Variants in DMD observed in about 807,000 individuals in gnomAD.
DMD encodes mutant dystrophin.
DMD carries 63 observed loss-of-function variants against 330.1 expected under a neutral mutation model. That is an observed-to-expected ratio of 0.19 (90% CI 0.16 to 0.24). The LOEUF (loss-of-function observed/expected upper bound fraction) is 0.24. DMD is among the 10% of genes least tolerant of loss of function. The pLI is 1.00. For missense variants in DMD, 3,344 were observed against 2,684.1 expected, an observed-to-expected ratio of 1.25 and a Z score of -5.43; for synonymous variants, 1,223 against 959.8, an observed-to-expected ratio of 1.27 and a Z score of -5.07.
intron 41 of DMD, among the ~76,000 whole-genome samples, chrX:32,332,762 A>T (rs1342564601): frequency 2.7e-5 from 3 of 111,383 alleles, no homozygotes; most frequent in Non-Finnish European, 5.7e-5. Flanking sequence ...TTATGATCAG[A>T]TTTAAATATG....
intron 5 of DMD, among the ~76,000 whole-genome samples, chrX:32,822,291 G>A (rs190443623): frequency 1.9e-4 from 21 of 110,596 alleles, no homozygotes; most frequent in Admixed American, 1.6e-3. Context: ...AAGGGACCAT[G>A]GCCCAGAACA....
intron 54 of DMD, among the ~76,000 whole-genome samples, chrX:31,630,344 C>A (rs1275531255): frequency 8.9e-6 from 1 of 111,967 alleles, no homozygotes; most frequent in Non-Finnish European, 1.9e-5. Flanking sequence ...TGAATATTTT[C>A]TAATTTGGAA....
At chrX:31,484,095 T>C (rs1043433155) in intron 57 of DMD, among the ~76,000 whole-genome samples, 1 of 111,770 alleles carries the variant, frequency 8.9e-6, no homozygotes, top group African/African-American at 3.2e-5. Context: ...GTATAATTTA[T>C]TGCATTTTAA....
At chrX:32,586,926 T>G (rs757599170) in intron 13 of DMD, among the ~76,000 whole-genome samples, 1 of 111,821 alleles carries the variant, frequency 8.9e-6, no homozygotes, top group African/African-American at 3.3e-5. Flanking sequence ...CAAATGTTGA[T>G]GCTTAGCTTT....
intron 44 of DMD, among the ~76,000 whole-genome samples, chrX:32,142,090 C>A (rs1045635453): frequency 1.8e-5 from 2 of 110,897 alleles, no homozygotes; most frequent in Non-Finnish European, 3.8e-5. Context: ...AGGAGCTGAG[C>A]TATAGAATAA....
intron 29 of DMD, among the ~76,000 whole-genome samples, chrX:32,426,963 ATG>A (rs2098215646): frequency 9.0e-6 from 1 of 111,475 alleles, no homozygotes; most frequent in African/African-American, 3.3e-5. Context: ...AGGATAGAGA[ATG>A]GGAGGAAGGG....
intron 52 of DMD, among the ~76,000 whole-genome samples, chrX:31,692,359 T>C (rs2083182071): frequency 9.1e-6 from 1 of 109,681 alleles, no homozygotes; most frequent in South Asian, 3.8e-4. Flanking sequence ...CTCAGGAAAC[T>C]ACAAAAAGAA....
At chrX:33,044,641 T>C (rs779066252) in intron 1 of DMD, among the ~76,000 whole-genome samples, 1 of 112,003 alleles carries the variant, frequency 8.9e-6, no homozygotes. Context: ...TCCAAGGAAA[T>C]GCTTTATGCC....
intron 61 of DMD, among the ~76,000 whole-genome samples, chrX:31,342,285 A>T (rs2057816393): frequency 1.8e-5 from 2 of 111,464 alleles, no homozygotes; most frequent in African/African-American, 3.3e-5. Flanking sequence ...TTTAGCAGAA[A>T]TTTTTTGTCA....
chrX:32,763,422 C>A (rs1003384028), intron 7 of DMD, among the ~76,000 whole-genome samples: 1 of 111,486 alleles, frequency 9.0e-6, no homozygotes, highest in Non-Finnish European at 1.9e-5. Context: ...TAATGTATCA[C>A]GATAAACTGT....
Position 32,190,843 on chromosome X carries a change from T to C in DMD, c.6438+26073A>G, listed in dbSNP as rs73619032. ...TGGCTCTAGGCAAGCACCTGAAGTA[T>C]AGAGTTAGCTTCAGGTCTGCCTTCC... On this transcript the variant is annotated intron_variant, in intron 44 of 78. Transcript: ENST00000357033. 7.7e-3 allele frequency among the ~76,000 whole-genome samples: 843 copies of C among 108,887 alleles called. 7 individuals are homozygous for C. Among genetic ancestry groups the C allele is most frequent in the African/African-American group, 0.027 (795 of 29,932 alleles). The allele number at this position is 108,887 out of a possible 115,157, so 94.6% of individuals were successfully genotyped here.
intron 1 of DMD, among the ~76,000 whole-genome samples, chrX:33,098,506 C>T (rs2095199973): frequency 9.0e-6 from 1 of 111,048 alleles, no homozygotes; most frequent in Non-Finnish European, 1.9e-5. Context: ...AACCCAAGCC[C>T]TTCTCTTAAG....
At chrX:32,198,551 C>T (rs2097017613) in intron 44 of DMD, among the ~76,000 whole-genome samples, 1 of 111,815 alleles carries the variant, frequency 8.9e-6, no homozygotes, top group Non-Finnish European at 1.9e-5. Flanking sequence ...AGGGTATCAA[C>T]GAGTTTAGTA....
chrX:31,873,571 A>C (rs2093924715), intron 48 of DMD, among the ~76,000 whole-genome samples: 1 of 112,106 alleles, frequency 8.9e-6, no homozygotes, highest in South Asian at 3.6e-4. Flanking sequence ...AAAAGAAAAA[A>C]CTACTCAAAA....
At position 32,539,549 on chromosome X, in the gene DMD, A is replaced by T. The variant is rs187999628; in HGVS notation, c.2168+5610T>A. ...AAAAAAGTTCACGGACACATTAATT[A>T]TCTAATTAGGTCCTTCAAATAACTT... is the stretch of plus-strand genomic sequence containing the variant. On this transcript the variant is annotated intron_variant, in intron 17 of 78. Transcript: ENST00000357033. 6.3e-5 allele frequency among the ~76,000 whole-genome samples: 7 copies of T among 111,346 alleles called. No individual in the cohort carries two copies. In the East Asian group the frequency reaches 2.0e-3, roughly 31 times the overall value.
intron 2 of DMD, among the ~76,000 whole-genome samples, chrX:32,965,365 A>C (rs1297214692): frequency 9.2e-6 from 1 of 109,262 alleles, no homozygotes; most frequent in East Asian, 2.9e-4. Context: ...GTGGTGGCGC[A>C]TGCCTGTAGT....
intron 48 of DMD, among the ~76,000 whole-genome samples, chrX:31,855,705 A>T (rs1235053249): frequency 9.3e-6 from 1 of 107,047 alleles, no homozygotes; most frequent in Non-Finnish European, 1.9e-5. Flanking sequence ...TCAAATGGGT[A>T]ATTGAATTAA....
intron 43 of DMD, among the ~76,000 whole-genome samples, chrX:32,239,061 T>G (rs1044207221): frequency 6.3e-5 from 7 of 111,840 alleles, no homozygotes; most frequent in Non-Finnish European, 1.1e-4. Flanking sequence ...TTGAAATGAG[T>G]AATTCTTGGT....
At chrX:32,280,534 A>G (rs1274557545) in intron 43 of DMD, among the ~76,000 whole-genome samples, 1 of 111,401 alleles carries the variant, frequency 9.0e-6, no homozygotes, top group African/African-American at 3.3e-5. Flanking sequence ...CAAATATGGT[A>G]GAGATTAATT....
Sources: gnomAD v4.1 joint callset for allele counts (sites outside exome capture counted in the v4.1 genomes callset) on GRCh38, gnomAD v4.1.1 for gene constraint, MANE v1.5 for transcripts, NCBI Gene and HGNC (gene_info 2026-07-23, HGNC 2026-07-21) for gene names.